The following ZNF365 variants were observed in gnomAD, a reference collection of about 807,000 sequenced individuals.
ZNF365 encodes protein ZNF365.
ZNF365 carries 22 observed loss-of-function variants against 35.0 expected under a neutral mutation model. The ratio of observed to expected loss-of-function variants is 0.63; its 90% confidence interval spans 0.45 to 0.90. ZNF365 has a LOEUF of 0.90. Among genes scored for constraint, ZNF365 ranks in the 40% least tolerant of loss-of-function variants. The pLI, the probability that ZNF365 is intolerant of heterozygous loss-of-function variation, is 0.00. For synonymous variants in ZNF365, 188 were observed against 196.2 expected, an observed-to-expected ratio of 0.96 and a Z score of 0.35; for missense variants, 448 against 500.3, an observed-to-expected ratio of 0.90 and a Z score of 1.00.
At chr10:62,478,982 T>C (rs553743849) in intron 4 of ZNF365, among the ~76,000 whole-genome samples, 5 of 152,218 alleles carry the variant, frequency 3.3e-5, no homozygotes, top group Admixed American at 1.3e-4. Context: ...TTGATTCTTA[T>C]CAAAGAATTT....
chr10:62,409,088 T>C (rs565976576), intron 3 of ZNF365, among the ~76,000 whole-genome samples: 91 of 152,260 alleles, frequency 6.0e-4, no homozygotes, highest in African/African-American at 2.1e-3. Context: ...CACATGCTCA[T>C]TTTCCTAGCT....
chr10:62,448,794 G>C (rs963604251), intron 3 of ZNF365, among the ~76,000 whole-genome samples: 2 of 152,100 alleles, frequency 1.3e-5, no homozygotes, highest in African/African-American at 4.8e-5. Flanking sequence ...ATTTTGCACA[G>C]ATACTAGCAT....
chr10:62,450,720 G>A (rs1435822033), intron 3 of ZNF365, among the ~76,000 whole-genome samples: 1 of 152,186 alleles, frequency 6.6e-6, no homozygotes, highest in African/African-American at 2.4e-5. Flanking sequence ...CTAGAAACAG[G>A]TGACCAGCTG....
chr10:62,476,243 A>G (rs1469479143), intron 4 of ZNF365, among the ~76,000 whole-genome samples: 2 of 152,194 alleles, frequency 1.3e-5, no homozygotes, highest in African/African-American at 4.8e-5. Context: ...AGGGTTATAT[A>G]GACTTGAGCT....
At position 62,376,352 on chromosome 10, in the gene ZNF365, C is replaced by T. The variant is rs369710448; in HGVS notation, c.159C>T (p.Tyr53=). 3.6e-5 allele frequency: 58 copies of T among 1,614,134 alleles called. No homozygotes were observed. The highest frequency in any genetic ancestry group is 1.1e-4 in the South Asian group (10 of 91,078). The change falls in exon 2 of 5, where the codon TAC becomes TAT. Residue 53 remains tyrosine, a synonymous_variant. Coordinates refer to ENST00000395254, the MANE Select transcript of ZNF365 (RefSeq NM_014951.3). The part of the protein sequence containing the change: ...LRAHLEFSHS[Y]EERTLLTKCS... The stretch of plus-strand genomic sequence containing the variant: ...CCCATCTGGAGTTCAGTCACAGCTA[C>T]GAAGAAAGAACCCTCTTGACAAAAT...
intron 3 of ZNF365, among the ~76,000 whole-genome samples, chr10:62,454,481 A>T (rs1435780952): frequency 1.3e-5 from 2 of 152,234 alleles, no homozygotes; most frequent in African/African-American, 4.8e-5. Flanking sequence ...TACATAATAA[A>T]CATAATTTAT....
chr10:62,415,970 A>G (rs1840066953), intron 3 of ZNF365, among the ~76,000 whole-genome samples: 1 of 152,074 alleles, frequency 6.6e-6, no homozygotes, highest in Non-Finnish European at 1.5e-5. Context: ...GTTAATCTAT[A>G]TTTTATTCCG....
chr10:62,429,050 C>T (rs1053469622), intron 3 of ZNF365, among the ~76,000 whole-genome samples: 1 of 152,160 alleles, frequency 6.6e-6, no homozygotes, highest in African/African-American at 2.4e-5. Context: ...CCTCTGAGTT[C>T]TTCATCTCCT....
At chr10:62,384,432 T>C (rs1019152386) in intron 2 of ZNF365, among the ~76,000 whole-genome samples, 2 of 152,256 alleles carry the variant, frequency 1.3e-5, no homozygotes, top group Admixed American at 6.5e-5. Flanking sequence ...TCTCACTACA[T>C]GTATCCATTA....
intron 3 of ZNF365, among the ~76,000 whole-genome samples, chr10:62,457,939 C>T (rs1840786493): frequency 6.6e-6 from 1 of 152,190 alleles, no homozygotes; most frequent in African/African-American, 2.4e-5. Context: ...AAACAGAGGG[C>T]TTCACTGTGG....
At chr10:62,468,471 C>T (rs1840980352) in intron 4 of ZNF365, among the ~76,000 whole-genome samples, 1 of 152,080 alleles carries the variant, frequency 6.6e-6, no homozygotes, top group South Asian at 2.1e-4. Context: ...AAAGCTTAGA[C>T]ATAAGTTTGT....
At chr10:62,405,293 A>G (rs1422587636), downstream of ZNF365, among the ~76,000 whole-genome samples, 1 of 152,122 alleles carries the variant, frequency 6.6e-6, no homozygotes, top group Non-Finnish European at 1.5e-5. Context: ...TTTTCCAGGT[A>G]GTTTTGATTA....
rs117607845 is a variant in ZNF365 at position 62,387,531 on chromosome 10, G to A, written c.744-865G>A. ...ATATAAGATGGTAATAAAGTTATTA[G>A]AATTTTTCTGGATTTGTAATCTACT... On this transcript the variant is annotated intron_variant, in intron 2 of 4. Coordinates refer to ENST00000395254, the MANE Select transcript of ZNF365 (RefSeq NM_014951.3). 4.3e-3 allele frequency among the ~76,000 whole-genome samples: 661 copies of A among 152,254 alleles called. 12 individuals carry two copies. The East Asian group carries it at 0.057, about 13-fold the overall frequency.
chr10:62,417,629 G>A (rs1205349139), intron 3 of ZNF365, among the ~76,000 whole-genome samples: 1 of 150,964 alleles, frequency 6.6e-6, no homozygotes, highest in Non-Finnish European at 1.5e-5. Context: ...TTTTGCCTTA[G>A]AAATGAACAG....
chr10:62,450,433 G>T lies in ZNF365; in HGVS notation c.925-9308G>T, dbSNP rs570419012. Among the ~76,000 whole-genome samples, 5 of 152,242 alleles carry T rather than the reference G, an allele frequency of 3.3e-5. No homozygotes were observed. The East Asian group carries it at 9.7e-4, about 29-fold the overall frequency. ...CGTGTGAACTGAACTGTCAAAGAAG[G>T]CCCTGTACCTGGTTTAATGCTCTGA... is the stretch of plus-strand genomic sequence containing the variant. On this transcript the variant is annotated intron_variant, in intron 3 of 4. Transcript: ENST00000395255.
chr10:62,469,617 ATG>A (rs917875236), intron 4 of ZNF365, among the ~76,000 whole-genome samples: 3 of 151,866 alleles, frequency 2.0e-5, no homozygotes, highest in African/African-American at 4.8e-5. Context: ...TTATACACGT[ATG>A]TGTGTGTGTG....
Position 62,400,159 on chromosome 10 carries a change from T to A in ZNF365, c.*370T>A, listed in dbSNP as rs1439625154. 9.8e-7 allele frequency: 1 copy of A among 1,023,278 alleles called. No individual in the cohort carries two copies. The allele number at this position is 1,023,278 out of a possible 1,614,324, so 63.4% of individuals were successfully genotyped here. On this transcript the variant is annotated 3_prime_UTR_variant, in exon 5 of 5. Coordinates refer to ENST00000395254, the MANE Select transcript of ZNF365 (RefSeq NM_014951.3). ...AAAATGTCAGGCCTAGGGAGAAAAT[T>A]CATCTGTGCCCACTGCTCTCCAAAG...
chr10:62,400,807 G>A lies in ZNF365; in HGVS notation c.*1018G>A. The A allele has an allele frequency of 1.1e-6, 1 of 901,226 alleles. No individual in the cohort carries two copies. Among genetic ancestry groups the A allele is most frequent in the Non-Finnish European group, 1.3e-6 (1 of 797,614 alleles). The allele number at this position is 901,226 out of a possible 1,614,324, so 55.8% of individuals were successfully genotyped here. A position where few individuals can be genotyped will look rare whatever the true frequency, so the allele number is the denominator to read the frequency against. On this transcript the variant is annotated 3_prime_UTR_variant, in exon 5 of 5. Transcript: ENST00000395254. The stretch of plus-strand genomic sequence containing the variant: ...TGGGTGGTTCACTTTGCCTCCTGCT[G>A]CTTCTGTGCCCTGTTAAGGGCTTCA...
At chr10:62,478,625 G>A (rs1841171052) in intron 4 of ZNF365, among the ~76,000 whole-genome samples, 1 of 152,214 alleles carries the variant, frequency 6.6e-6, no homozygotes. Flanking sequence ...CCAGGCTGGA[G>A]TGCAGTGGCA....
Sources: gnomAD v4.1 joint callset for allele counts (sites outside exome capture counted in the v4.1 genomes callset) on GRCh38, gnomAD v4.1.1 for gene constraint, MANE v1.5 for transcripts, NCBI Gene and HGNC (gene_info 2026-07-23, HGNC 2026-07-21) for gene names.